The following MSRB3 variants were observed in gnomAD, a reference collection of about 807,000 sequenced individuals.
MSRB3 encodes the protein methionine sulfoxide reductase B3, also known as methionine-R-sulfoxide reductase B3.
Under a neutral mutation model 21.0 loss-of-function variants are expected in MSRB3, and 13 were observed. The ratio of observed to expected loss-of-function variants is 0.62; its 90% CI spans 0.40 to 0.98. The LOEUF is 0.98. Ranked by LOEUF, MSRB3 falls within the 50% of genes least tolerant of loss-of-function variation. MSRB3 has a pLI of 0.00. For missense variants in MSRB3, 199 were observed against 230.3 expected (o/e 0.86, Z 0.88); for synonymous variants, 87 against 88.6 (o/e 0.98, Z 0.10).
At chr12:65,413,016 C>G (rs1170541982) in intron 5 of MSRB3, among the ~76,000 whole-genome samples, 1 of 152,134 alleles carries the variant, frequency 6.6e-6, no homozygotes, top group Non-Finnish European at 1.5e-5. Flanking sequence ...TGGTCCCTCC[C>G]TTGACACGTG....
intron 4 of MSRB3, among the ~76,000 whole-genome samples, chr12:65,356,471 ATT>A (rs1464413038): frequency 6.6e-6 from 1 of 151,768 alleles, no homozygotes; most frequent in Non-Finnish European, 1.5e-5. Context: ...TTTAAAAAAA[ATT>A]TATTCCCATA....
chr12:65,314,601 A>G (rs1376275850), intron 2 of MSRB3, among the ~76,000 whole-genome samples: 1 of 152,138 alleles, frequency 6.6e-6, no homozygotes, highest in Admixed American at 6.5e-5. Flanking sequence ...TTGTTATACA[A>G]CAATAAGACT....
At chr12:65,428,786 T>C (rs1368381052) in intron 5 of MSRB3, among the ~76,000 whole-genome samples, 1 of 152,168 alleles carries the variant, frequency 6.6e-6, no homozygotes, top group African/African-American at 2.4e-5. Flanking sequence ...TCTTTAGCAA[T>C]TGGTATTTTA....
At chr12:65,307,046 G>A in intron 1 of MSRB3, 2 of 985,610 alleles carry the variant, frequency 2.0e-6, no homozygotes, top group Non-Finnish European at 1.2e-6. Context: ...TTTACTGTGT[G>A]TGCTTTATTC....
At chr12:65,365,790 A>G (rs1877976456) in intron 4 of MSRB3, among the ~76,000 whole-genome samples, 1 of 152,172 alleles carries the variant, frequency 6.6e-6, no homozygotes, top group South Asian at 2.1e-4. Context: ...AATGACTGAG[A>G]GTAATGCAAA....
chr12:65,448,656 G>A (rs1882725525), intron 5 of MSRB3, among the ~76,000 whole-genome samples: 1 of 152,150 alleles, frequency 6.6e-6, no homozygotes, highest in Non-Finnish European at 1.5e-5. Context: ...AACTTGAAAT[G>A]TGGCTAGTGT....
intron 5 of MSRB3, among the ~76,000 whole-genome samples, chr12:65,424,973 T>TTATATATATATATATA (rs149024921): frequency 4.2e-5 from 2 of 47,892 alleles, no homozygotes; most frequent in Non-Finnish European, 6.6e-5. Context: ...AATATTTGCT[T>TTATATATATATATATA]TATATATATA....
At chr12:65,325,153 A>G (rs1874932669) in intron 2 of MSRB3, among the ~76,000 whole-genome samples, 1 of 152,242 alleles carries the variant, frequency 6.6e-6, no homozygotes, top group Admixed American at 6.5e-5. Context: ...TATTTAAGAA[A>G]GAGCCACTTT....
intron 4 of MSRB3, among the ~76,000 whole-genome samples, chr12:65,343,691 C>G (rs779857843): frequency 1.3e-5 from 2 of 151,958 alleles, no homozygotes; most frequent in Non-Finnish European, 1.5e-5. Flanking sequence ...CAAGGTAACA[C>G]GGGTAGTAAG....
chr12:65,342,745 G>A (rs1364819568), intron 4 of MSRB3, among the ~76,000 whole-genome samples: 1 of 151,916 alleles, frequency 6.6e-6, no homozygotes, highest in Non-Finnish European at 1.5e-5. Context: ...ATGTAAATGA[G>A]CTATATGGTG....
At chr12:65,391,597 G>A (rs1879485816) in intron 5 of MSRB3, among the ~76,000 whole-genome samples, 1 of 152,170 alleles carries the variant, frequency 6.6e-6, no homozygotes, top group African/African-American at 2.4e-5. Flanking sequence ...TGGCCAGTAA[G>A]TGATAAACAG....
At chr12:65,401,724 G>T (rs191462068) in intron 5 of MSRB3, among the ~76,000 whole-genome samples, 108 of 152,172 alleles carry the variant, frequency 7.1e-4, no homozygotes, top group African/African-American at 2.5e-3. Flanking sequence ...TTACAATTTG[G>T]TATGTTTTTG....
chr12:65,368,893 A>T, intron 4 of MSRB3, 105 bp from the exon 5 acceptor site: 1 of 724,370 alleles, frequency 1.4e-6, no homozygotes, highest in Non-Finnish European at 2.5e-6. Flanking sequence ...TACACTGAAA[A>T]ATGTAACTAT....
intron 1 of MSRB3, among the ~76,000 whole-genome samples, chr12:65,297,898 A>G (rs1423825157): frequency 1.3e-5 from 2 of 152,196 alleles, no homozygotes; most frequent in Non-Finnish European, 2.9e-5. Context: ...TCTTGGAAAT[A>G]AAATTGACAG....
chr12:65,392,166 A>T (rs1373810593), intron 5 of MSRB3, among the ~76,000 whole-genome samples: 5 of 152,168 alleles, frequency 3.3e-5, no homozygotes, highest in Non-Finnish European at 7.3e-5. Flanking sequence ...ATCCTAGATC[A>T]ATTAACTCAA....
At chr12:65,420,066 C>T (rs1881206287) in intron 5 of MSRB3, 1 of 504,344 alleles carries the variant, frequency 2.0e-6, no homozygotes, top group Non-Finnish European at 4.0e-6. Flanking sequence ...TCAGGCTTTG[C>T]TGATAACCTT....
chr12:65,320,692 G>A (rs1874607097), intron 2 of MSRB3, among the ~76,000 whole-genome samples: 1 of 152,166 alleles, frequency 6.6e-6, no homozygotes, highest in East Asian at 1.9e-4. Flanking sequence ...CTTTCCGAGA[G>A]CTATTTTGAG....
chr12:65,348,835 T>C lies in MSRB3; in HGVS notation c.264-20163T>C, dbSNP rs1385044508. 2.6e-5 allele frequency among the ~76,000 whole-genome samples: 4 copies of C among 152,316 alleles called. No homozygotes were observed. The East Asian group carries it at 7.7e-4, about 29-fold the overall frequency. ...GAACATCTTTATTTCTGCCTTCATT[T>C]CGTTATGTACCCAGTAGTCATTCAG... is the stretch of plus-strand genomic sequence containing the variant. On this transcript the variant is annotated intron_variant, in intron 4 of 6. Transcript: ENST00000308259.
chr12:65,436,710 C>T (rs960977615), intron 5 of MSRB3, among the ~76,000 whole-genome samples: 3 of 151,834 alleles, frequency 2.0e-5, no homozygotes, highest in African/African-American at 7.2e-5. Context: ...GTGAACTTTT[C>T]TAGCTTTCAG....
Sources: allele counts gnomAD v4.1 joint callset (sites outside exome capture counted in the v4.1 genomes callset), GRCh38; gene constraint gnomAD v4.1.1; transcripts MANE v1.5; gene names NCBI Gene and HGNC (gene_info 2026-07-23, HGNC 2026-07-21).